Variants in GGNBP2 observed in about 807,000 individuals in gnomAD.
GGNBP2 encodes the protein gametogenetin binding protein 2.
Under a neutral mutation model 85.9 loss-of-function variants are expected in GGNBP2, and 10 were observed. The observed-to-expected ratio is 0.12, with a 90% CI of 0.07 to 0.20. GGNBP2 has a LOEUF of 0.20. Ranked by LOEUF, GGNBP2 falls within the 10% of genes least tolerant of loss-of-function variation. GGNBP2 has a pLI of 1.00. For synonymous variants in GGNBP2, 287 were observed against 285.7 expected (o/e 1.00, Z -0.05); for missense variants, 595 against 857.8 (o/e 0.69, Z 3.83).
At chr17:36,582,167 C>A (rs1392204393) in intron 9 of GGNBP2, 1 of 152,232 alleles carries the variant, frequency 6.6e-6, no homozygotes, top group Non-Finnish European at 1.5e-5. Flanking sequence ...GCATGAACCA[C>A]CGTGCCTGGC....
chr17:36,561,491 A>G (rs767662482), intron 5 of GGNBP2, among the ~76,000 whole-genome samples: 1 of 152,134 alleles, frequency 6.6e-6, no homozygotes, highest in African/African-American at 2.4e-5. Flanking sequence ...TCATTATTTG[A>G]TCTACAGAAT....
chr17:36,573,690 G>T (rs992629659), intron 6 of GGNBP2, among the ~76,000 whole-genome samples: 5 of 152,142 alleles, frequency 3.3e-5, no homozygotes. Flanking sequence ...CTTGTTATTT[G>T]TTGTTGTTGT....
intron 2 of GGNBP2, among the ~76,000 whole-genome samples, chr17:36,550,952 G>A (rs1387367017): frequency 6.6e-6 from 1 of 152,164 alleles, no homozygotes; most frequent in Non-Finnish European, 1.5e-5. Context: ...ACAGCATATA[G>A]TGATTGGCCA....
At chr17:36,575,612 ACATAT>A (rs2074569019) in intron 6 of GGNBP2, among the ~76,000 whole-genome samples, 1 of 59,246 alleles carries the variant, frequency 1.7e-5, no homozygotes, top group African/African-American at 6.3e-5. Flanking sequence ...CTCTAATGTA[ACATAT>A]ATATATATAT....
intron 5 of GGNBP2, among the ~76,000 whole-genome samples, chr17:36,563,668 A>G (rs1474857688): frequency 6.6e-6 from 1 of 151,260 alleles, no homozygotes; most frequent in African/African-American, 2.4e-5. Context: ...TTGTAGCCTG[A>G]AGAAAAGAAG....
intron 8 of GGNBP2, among the ~76,000 whole-genome samples, chr17:36,581,143 G>A (rs1238666417): frequency 6.6e-6 from 1 of 151,684 alleles, no homozygotes; most frequent in Non-Finnish European, 1.5e-5. Flanking sequence ...AAATTAGCCG[G>A]GCGTGGTGGC....
chr17:36,585,772 G>A, intron 10 of GGNBP2, 68 bp from the exon 11 acceptor site: 1 of 1,373,308 alleles, frequency 7.3e-7, no homozygotes, highest in Non-Finnish European at 1.0e-6. Context: ...GGTCCCCAAA[G>A]AGTTCACTCT....
intron 9 of GGNBP2, among the ~76,000 whole-genome samples, chr17:36,583,914 G>A (rs1312639818): frequency 2.0e-5 from 3 of 152,166 alleles, no homozygotes; most frequent in Admixed American, 6.5e-5. Flanking sequence ...ATTAGAATCC[G>A]TTGGACTATA....
chr17:36,564,109 T>G (rs1463693210), intron 5 of GGNBP2, among the ~76,000 whole-genome samples: 1 of 152,244 alleles, frequency 6.6e-6, no homozygotes, highest in East Asian at 1.9e-4. Flanking sequence ...TTCTTCCTTC[T>G]CAGATTTGTC....
intron 2 of GGNBP2, 35 bp from the exon 3 acceptor site, chr17:36,554,785 A>G: frequency 7.8e-7 from 1 of 1,286,720 alleles, no homozygotes; most frequent in Non-Finnish European, 1.1e-6. Context: ...TCAGAGGGGT[A>G]AAGTAATTGA....
Position 36,552,048 on chromosome 17 carries a change from A to T in GGNBP2, c.94-2772A>T, listed in dbSNP as rs994168872. Among the ~76,000 whole-genome samples, 85 of 152,234 alleles carry T rather than the reference A, an allele frequency of 5.6e-4. 1 individual carries two copies. Among genetic ancestry groups the T allele is most frequent in the Non-Finnish European group, 4.3e-4 (29 of 68,034 alleles). On this transcript the variant is annotated intron_variant, in intron 2 of 13. Coordinates refer to ENST00000613102, the MANE Select transcript of GGNBP2 (RefSeq NM_024835.5). ...GATAGCTTTGATCTTTAAACAGTATAGATAATTGTCATTTTTTATTACGGC... is the reference window on the plus strand; with the variant it reads ...GATAGCTTTGATCTTTAAACAGTATTGATAATTGTCATTTTTTATTACGGC...
chr17:36,548,200 C>G (rs1215498689), intron 2 of GGNBP2, among the ~76,000 whole-genome samples: 2 of 152,304 alleles, frequency 1.3e-5, no homozygotes, highest in East Asian at 3.9e-4. Context: ...AATATAGTTA[C>G]AATGTTTACA....
intron 3 of GGNBP2, among the ~76,000 whole-genome samples, chr17:36,556,622 T>A (rs1054832420): frequency 1.3e-5 from 2 of 152,032 alleles, no homozygotes; most frequent in Non-Finnish European, 2.9e-5. Flanking sequence ...GAGAATTGCT[T>A]GAACCCAGGA....
intron 4 of GGNBP2, among the ~76,000 whole-genome samples, chr17:36,559,422 A>G (rs981148897): frequency 6.6e-6 from 1 of 152,100 alleles, no homozygotes; most frequent in African/African-American, 2.4e-5. Flanking sequence ...GCGATTAGAC[A>G]TCCAAATAGA....
chr17:36,571,256 G>A (rs2074521371), intron 6 of GGNBP2, among the ~76,000 whole-genome samples: 1 of 152,014 alleles, frequency 6.6e-6, no homozygotes, highest in Non-Finnish European at 1.5e-5. Context: ...AACATAGGGA[G>A]GCCCATTTAT....
intron 6 of GGNBP2, among the ~76,000 whole-genome samples, chr17:36,571,175 A>G (rs1019276093): frequency 4.6e-5 from 7 of 152,190 alleles, no homozygotes; most frequent in Admixed American, 2.0e-4. Context: ...GCTCAAGCCT[A>G]TAATTCCAAC....
intron 2 of GGNBP2, 52 bp downstream of exon 2, chr17:36,545,869 C>T (rs766171204): frequency 3.7e-5 from 46 of 1,250,936 alleles, no homozygotes; most frequent in Non-Finnish European, 4.8e-5. Flanking sequence ...AGCTGTTTCC[C>T]CTCCTCCCCC....
Position 36,589,237 on chromosome 17 carries a change from A to C in GGNBP2, c.1920A>C (p.Glu640Asp), listed in dbSNP as rs773731324. The C allele has an allele frequency of 6.2e-7, 1 of 1,613,040 alleles. No homozygotes were observed. The highest frequency in any genetic ancestry group is 1.1e-5 in the South Asian group (1 of 91,050). ...AGTCTGAATGTACTTCAGATGAGGA[A>C]ATCTTTATCTCACAAGATGAAATAC... is the stretch of plus-strand genomic sequence containing the variant. ...LDESECTSDEEIFISQDEIQS... is the reference protein window; with the variant it reads ...LDESECTSDEDIFISQDEIQS... The change falls in exon 14 of 14, where the codon GAA becomes GAC. Residue 640 changes from glutamate to aspartate, a missense_variant. Glu to Asp is a conservative substitution (Grantham distance 45). This residue lies in a region of GGNBP2 where 120 missense variants were observed against 126.3 expected (regional missense o/e 0.95). Transcript: ENST00000613102.
Position 36,589,149 on chromosome 17 carries a change from C to G in GGNBP2, c.1891-59C>G, listed in dbSNP as rs894691929. 4.1e-6 allele frequency: 5 copies of G among 1,222,100 alleles called. No homozygotes were observed. The South Asian group carries it at 5.0e-5, about 12-fold the overall frequency. 75.7% of individuals were successfully genotyped at this position (1,222,100 alleles called of 1,614,324 possible). ...TGGTTTAATTTTTAGCTGTCCTCCTCCATTACATAACATTTTGCATTCTTA... is the reference window on the plus strand; with the variant it reads ...TGGTTTAATTTTTAGCTGTCCTCCTGCATTACATAACATTTTGCATTCTTA... On this transcript the variant is annotated intron_variant, in intron 13 of 13. Transcript: ENST00000613102.
Sources: allele counts gnomAD v4.1 joint callset (sites outside exome capture counted in the v4.1 genomes callset), GRCh38; gene constraint gnomAD v4.1.1; regional missense constraint gnomAD v4.1.1; transcripts MANE v1.5; gene names NCBI Gene and HGNC (gene_info 2026-07-23, HGNC 2026-07-21).